Variants in AKR1C8 observed in about 807,000 individuals in gnomAD.
AKR1C8 encodes the protein aldo-keto reductase family 1 member C8, also known as aldo-keto reductase family 1 member C-like protein 1.
At chr10:5,153,949 A>C in the AKR1C8 span, among the ~76,000 whole-genome samples, 2 of 152,200 alleles carry the variant, frequency 1.3e-5, no homozygotes, top group South Asian at 4.1e-4. Flanking sequence ...TTTTTCTAAA[A>C]TTTATGGGTA....
At chr10:5,118,494 T>C in the AKR1C8 span, among the ~76,000 whole-genome samples, 1 of 151,926 alleles carries the variant, frequency 6.6e-6, no homozygotes, top group Non-Finnish European at 1.5e-5. Context: ...CACAGAAAGG[T>C]GGAGGGAAAG....
At chr10:5,160,023 G>C in the AKR1C8 span, 1 of 360,378 alleles carries the variant, frequency 2.8e-6, no homozygotes, top group African/African-American at 2.1e-5. Context: ...GGAAGGATAT[G>C]GGTGATAGAC....
chr10:5,178,438 G>GA, the AKR1C8 span, among the ~76,000 whole-genome samples: 5 of 152,130 alleles, frequency 3.3e-5, no homozygotes, highest in East Asian at 1.9e-4. Context: ...GTGTGGTGCT[G>GA]AAAAAAATGT....
chr10:5,179,652 A>G, the AKR1C8 span, among the ~76,000 whole-genome samples: 3 of 60,864 alleles, frequency 4.9e-5, no homozygotes, highest in Non-Finnish European at 9.5e-5. Context: ...ACATAGTCCC[A>G]TATTTCTTGG....
the AKR1C8 span, among the ~76,000 whole-genome samples, chr10:5,142,551 C>T: frequency 6.6e-6 from 1 of 152,044 alleles, no homozygotes; most frequent in African/African-American, 2.4e-5. Flanking sequence ...ATTTAGAGGT[C>T]ACTGTAGGGT....
chr10:5,163,974 C>G, the AKR1C8 span, among the ~76,000 whole-genome samples: 1 of 151,818 alleles, frequency 6.6e-6, no homozygotes, highest in South Asian at 2.1e-4. Context: ...AGAAAGTAGT[C>G]TCTTCTCCTT....
At chr10:5,123,266 C>T in the AKR1C8 span, 3,118 of 215,104 alleles carry the variant, frequency 0.014, 134 homozygotes, top group East Asian at 8.4e-3. Context: ...GCCCACCCAA[C>T]GCCTCACCTG....
chr10:5,177,861 C>T, the AKR1C8 span, among the ~76,000 whole-genome samples: 3 of 151,826 alleles, frequency 2.0e-5, no homozygotes, highest in African/African-American at 7.3e-5. Context: ...CTATTTGATT[C>T]TTCTCTCTTT....
At chr10:5,179,086 C>G in the AKR1C8 span, among the ~76,000 whole-genome samples, 1 of 152,158 alleles carries the variant, frequency 6.6e-6, no homozygotes. Context: ...ATGGTCTTTA[C>G]AATTTGGCAT....
At chr10:5,136,466 C>G in the AKR1C8 span, among the ~76,000 whole-genome samples, 59,526 of 151,852 alleles carry the variant, frequency 0.39, 12,462 homozygotes, top group Non-Finnish European at 0.43. Context: ...GAGATAAGTT[C>G]AACCTGGGAG....
chr10:5,141,898 C>G, the AKR1C8 span, among the ~76,000 whole-genome samples: 3 of 152,092 alleles, frequency 2.0e-5, no homozygotes, highest in African/African-American at 7.2e-5. Context: ...GGAATGGGAG[C>G]TACTAACACA....
the AKR1C8 span, among the ~76,000 whole-genome samples, chr10:5,178,419 A>G: frequency 2.0e-3 from 300 of 152,262 alleles, no homozygotes; most frequent in South Asian, 0.012. Context: ...CAATTTTGGA[A>G]TAGGTGTGGT....
At chr10:5,183,531 C>T in the AKR1C8 span, among the ~76,000 whole-genome samples, 5 of 152,134 alleles carry the variant, frequency 3.3e-5, no homozygotes, top group African/African-American at 4.8e-5. Flanking sequence ...AATAACACCA[C>T]ACATAAACAT....
At chr10:5,151,718 G>A in the AKR1C8 span, among the ~76,000 whole-genome samples, 1 of 151,878 alleles carries the variant, frequency 6.6e-6, no homozygotes, top group African/African-American at 2.4e-5. Context: ...CACCATGCCT[G>A]GCTAATTTTT....
the AKR1C8 span, among the ~76,000 whole-genome samples, chr10:5,165,760 G>A: frequency 6.6e-6 from 1 of 152,126 alleles, no homozygotes; most frequent in African/African-American, 2.4e-5. Context: ...CAGAGATGGG[G>A]TTAAAACAGT....
the AKR1C8 span, among the ~76,000 whole-genome samples, chr10:5,161,373 A>G: frequency 6.6e-6 from 1 of 152,326 alleles, no homozygotes; most frequent in East Asian, 1.9e-4. Context: ...ATGAGAGGTT[A>G]GATCAGCGGA....
At chr10:5,176,785 T>C in the AKR1C8 span, among the ~76,000 whole-genome samples, 3 of 152,154 alleles carry the variant, frequency 2.0e-5, no homozygotes, top group African/African-American at 7.2e-5. Flanking sequence ...TGTTTGTCTG[T>C]TATTGGTGTA....
At chr10:5,134,647 A>T in the AKR1C8 span, among the ~76,000 whole-genome samples, 1 of 152,136 alleles carries the variant, frequency 6.6e-6, no homozygotes, top group African/African-American at 2.4e-5. Flanking sequence ...CAGTATTATT[A>T]CTCTGTCATG....
chr10:5,175,025 T>G, the AKR1C8 span, among the ~76,000 whole-genome samples: 1 of 152,074 alleles, frequency 6.6e-6, no homozygotes, highest in Non-Finnish European at 1.5e-5. Context: ...TGTGCAGGTT[T>G]GTTACATATG....
Sources: allele counts gnomAD v4.1 joint callset (sites outside exome capture counted in the v4.1 genomes callset), GRCh38; gene constraint gnomAD v4.1.1; transcripts MANE v1.5; gene names NCBI Gene and HGNC (gene_info 2026-07-23, HGNC 2026-07-21).